The following STAU2 variants were observed in gnomAD, a reference collection of about 807,000 sequenced individuals.
STAU2 encodes the protein staufen double-stranded RNA binding protein 2.
In STAU2, 20 loss-of-function variants were observed where a neutral mutation model predicts 65.9. The observed-to-expected ratio is 0.30, with a 90% confidence interval of 0.21 to 0.44. STAU2 has a LOEUF of 0.44. Ranked by LOEUF, STAU2 falls within the 20% of genes least tolerant of loss-of-function variation. The pLI, the probability that STAU2 is intolerant of heterozygous loss-of-function variation, is 1.00. For missense variants in STAU2, 558 were observed against 683.9 expected (o/e 0.82, Z 2.05); for synonymous variants, 232 against 233.9 (o/e 0.99, Z 0.07).
intron 3 of STAU2, among the ~76,000 whole-genome samples, chr8:73,730,414 T>C (rs1240915190): frequency 1.3e-5 from 2 of 152,162 alleles, no homozygotes; most frequent in Non-Finnish European, 2.9e-5. Flanking sequence ...TGGAGAATGT[T>C]TCATGTATAC....
chr8:73,591,091 G>A (rs1422127708), intron 11 of STAU2, among the ~76,000 whole-genome samples: 1 of 152,034 alleles, frequency 6.6e-6, no homozygotes, highest in Non-Finnish European at 1.5e-5. Context: ...ATAAATGAAG[G>A]ATATTGAAAA....
chr8:73,724,021 G>A (rs1213891691), intron 3 of STAU2, among the ~76,000 whole-genome samples: 2 of 152,126 alleles, frequency 1.3e-5, no homozygotes, highest in African/African-American at 2.4e-5. Context: ...TAATTTACTA[G>A]TTCGCTCCAG....
At chr8:73,571,458 C>G (rs1288553857) in intron 12 of STAU2, among the ~76,000 whole-genome samples, 3 of 152,204 alleles carry the variant, frequency 2.0e-5, no homozygotes, top group African/African-American at 7.2e-5. Flanking sequence ...TTCTCAGCAC[C>G]ACATCGCACT....
At chr8:73,719,879 A>G (rs1821517030) in intron 3 of STAU2, among the ~76,000 whole-genome samples, 1 of 152,224 alleles carries the variant, frequency 6.6e-6, no homozygotes. Flanking sequence ...TATAAAATTG[A>G]TATTATTTTT....
intron 6 of STAU2, among the ~76,000 whole-genome samples, chr8:73,617,870 ATT>A (rs386726708): frequency 0.018 from 2,772 of 152,268 alleles, 74 homozygotes; most frequent in African/African-American, 0.06. Context: ...AGAAATATAG[ATT>A]AGAAATGGAC....
chr8:73,646,295 A>C (rs1451633549), intron 6 of STAU2, among the ~76,000 whole-genome samples: 3 of 152,216 alleles, frequency 2.0e-5, no homozygotes, highest in Admixed American at 1.3e-4. Context: ...TTTGAAAAAG[A>C]ATAAAGCATA....
At chr8:73,628,352 A>G (rs1813843108) in intron 6 of STAU2, among the ~76,000 whole-genome samples, 1 of 152,116 alleles carries the variant, frequency 6.6e-6, no homozygotes, top group Admixed American at 6.6e-5. Flanking sequence ...GATTATAGGC[A>G]TGAGTCACTG....
chr8:73,521,170 G>A (rs781223282), intron 13 of STAU2, among the ~76,000 whole-genome samples: 10 of 152,058 alleles, frequency 6.6e-5, no homozygotes, highest in Non-Finnish European at 1.2e-4. Flanking sequence ...TGACTCAGGC[G>A]AGGAGAATTT....
chr8:73,691,897 T>C (rs1039879910), intron 4 of STAU2, among the ~76,000 whole-genome samples: 1 of 152,162 alleles, frequency 6.6e-6, no homozygotes, highest in Non-Finnish European at 1.5e-5. Flanking sequence ...ATGAGCCAAC[T>C]CTTGGCAGGC....
chr8:73,582,974 G>T, intron 11 of STAU2, 144 bp from the exon 12 acceptor site: 2 of 636,794 alleles, frequency 3.1e-6, no homozygotes, highest in South Asian at 2.1e-5. Context: ...TGGGATGATG[G>T]CTACAAAAGA....
chr8:73,515,089 T>C (rs1448139529), intron 13 of STAU2, among the ~76,000 whole-genome samples: 1 of 152,170 alleles, frequency 6.6e-6, no homozygotes, highest in Non-Finnish European at 1.5e-5. Context: ...CTCTTACATA[T>C]ACCTCTGAAA....
chr8:73,521,483 T>C (rs1650578216), intron 13 of STAU2, among the ~76,000 whole-genome samples: 1 of 152,216 alleles, frequency 6.6e-6, no homozygotes, highest in African/African-American at 2.4e-5. Context: ...ACATACTACA[T>C]ATAGATTTGG....
rs551783858 is a variant in STAU2, at chr8:73,476,733, G to C, written c.1531-54031C>G. Among the ~76,000 whole-genome samples, 16 of 152,276 alleles carry C rather than the reference G, an allele frequency of 1.1e-4. No homozygotes were observed. The South Asian group carries it at 2.7e-3, about 26-fold the overall frequency. ...TCATCCTAAGGCCCTCAGATCACTG[G>C]GGGGTGTAGATTGTACTTTCCTCTC... On this transcript the variant is annotated intron_variant, in intron 13 of 14. Coordinates refer to ENST00000524300, the MANE Select transcript of STAU2 (RefSeq NM_001164380.2).
intron 13 of STAU2, among the ~76,000 whole-genome samples, chr8:73,498,138 C>A (rs1013122558): frequency 6.6e-6 from 1 of 151,820 alleles, no homozygotes; most frequent in Non-Finnish European, 1.5e-5. Flanking sequence ...AGCCAGCCTG[C>A]CACATAATAC....
At chr8:73,648,293 G>A (rs78846695) in intron 6 of STAU2, among the ~76,000 whole-genome samples, 5,032 of 152,180 alleles carry the variant, frequency 0.033, 245 homozygotes, top group African/African-American at 0.1. Flanking sequence ...GTGAGGCTTC[G>A]AGTGTTTTAC....
At chr8:73,744,332 TGTCTCAAACTATGCA>T (rs978057209) in intron 1 of STAU2, among the ~76,000 whole-genome samples, 1 of 152,180 alleles carries the variant, frequency 6.6e-6, no homozygotes, top group African/African-American at 2.4e-5. Context: ...ATACTGTGCG[TGTCTCAAACTATGCA>T]GTCTAAGAGA....
At chr8:73,527,273 T>G (rs960884958) in intron 13 of STAU2, 1 of 159,484 alleles carries the variant, frequency 6.3e-6, no homozygotes, top group African/African-American at 2.4e-5. Context: ...TCACAACATA[T>G]CCTTGTCATT....
intron 12 of STAU2, among the ~76,000 whole-genome samples, chr8:73,576,907 CTG>C (rs1424633810): frequency 6.6e-6 from 1 of 152,152 alleles, no homozygotes; most frequent in Non-Finnish European, 1.5e-5. Context: ...AGATATTTAT[CTG>C]TGTTATCATT....
At chr8:73,706,085 T>C (rs1820481098) in intron 4 of STAU2, among the ~76,000 whole-genome samples, 1 of 152,124 alleles carries the variant, frequency 6.6e-6, no homozygotes, top group Non-Finnish European at 1.5e-5. Flanking sequence ...GTGTAGTATG[T>C]GTGTGAATTG....
Sources: gnomAD v4.1 joint callset for allele counts (sites outside exome capture counted in the v4.1 genomes callset) on GRCh38, gnomAD v4.1.1 for gene constraint, MANE v1.5 for transcripts, NCBI Gene and HGNC (gene_info 2026-07-23, HGNC 2026-07-21) for gene names.